Variants in NPC1 observed in about 807,000 individuals in gnomAD.
NPC1 encodes the protein NPC intracellular cholesterol transporter 1, also known as Niemann-Pick C1 protein.
A neutral mutation model predicts 140.4 loss-of-function variants in NPC1; 85 were observed. The ratio of observed to expected loss-of-function variants is 0.61; its 90% CI spans 0.51 to 0.72. NPC1 has a LOEUF of 0.72. NPC1 is among the 30% of genes least tolerant of loss of function. NPC1 has a pLI of 0.00. For missense variants in NPC1, 1,504 were observed against 1,623.8 expected (o/e 0.93, Z 1.27); for synonymous variants, 656 against 624.8 (o/e 1.05, Z -0.74).
At chr18:23,565,189 A>C (rs931795658) in intron 4 of NPC1, among the ~76,000 whole-genome samples, 21 of 152,236 alleles carry the variant, frequency 1.4e-4, no homozygotes, top group African/African-American at 5.1e-4. Context: ...CAATTTCCAC[A>C]AAGAAGTCAG....
chr18:23,513,352 C>T (rs577122549), intron 3 of NPC1, among the ~76,000 whole-genome samples: 2 of 152,310 alleles, frequency 1.3e-5, no homozygotes, highest in East Asian at 3.9e-4. Flanking sequence ...CTACAGGTTC[C>T]CCCATGCCAT....
intron 20 of NPC1, 105 bp downstream of exon 20, chr18:23,538,434 CGGA>C (rs1309696607): frequency 7.4e-7 from 1 of 1,348,676 alleles, no homozygotes; most frequent in Non-Finnish European, 1.1e-6. Context: ...CAGGGTGGGG[CGGA>C]GAAGAGACGT....
intron 22 of NPC1, among the ~76,000 whole-genome samples, chr18:23,534,786 T>C (rs1211581508): frequency 6.6e-6 from 1 of 152,198 alleles, no homozygotes; most frequent in Non-Finnish European, 1.5e-5. Flanking sequence ...GTGGCACGTT[T>C]GTGTTGACCA....
chr18:23,586,441 A>C lies in NPC1; in HGVS notation c.-98T>G, dbSNP rs2059420429. On this transcript the variant is annotated 5_prime_UTR_variant, in exon 1 of 25. Transcript: ENST00000269228. ...CCCGGGCTGTTTCAGCACCCCGCGC[A>C]GGAGGAGCGGAGGAGCAGGAGCAGG... 2.0e-6 allele frequency: 3 copies of C among 1,509,816 alleles called. No individual in the cohort carries two copies. The highest frequency in any genetic ancestry group is 2.6e-6 in the Non-Finnish European group (3 of 1,135,260). 93.5% of individuals were successfully genotyped at this position (1,509,816 alleles called of 1,614,324 possible). A position where few individuals can be genotyped will look rare whatever the true frequency, so the allele number is the denominator to read the frequency against.
At chr18:23,571,209 TAA>T (rs2059197279) in intron 3 of NPC1, among the ~76,000 whole-genome samples, 1 of 142,552 alleles carries the variant, frequency 7.0e-6, no homozygotes, top group Non-Finnish European at 1.5e-5. Context: ...AGTGCTTTCT[TAA>T]AACAAAACAA....
intron 3 of NPC1, among the ~76,000 whole-genome samples, chr18:23,512,384 G>A (rs2057885507): frequency 2.0e-5 from 3 of 151,894 alleles, no homozygotes; most frequent in Admixed American, 1.3e-4. Flanking sequence ...TTTGTATATT[G>A]TCCATTTGTA....
At position 23,531,544 on chromosome 18, in the gene NPC1, A is replaced by G. The variant is rs1018730310; in HGVS notation, c.*658T>C. On this transcript the variant is annotated 3_prime_UTR_variant, in exon 25 of 25. Coordinates refer to ENST00000269228, the MANE Select transcript of NPC1 (RefSeq NM_000271.5). ...ATTAAAGAAAAATAAGTTAAAACCC[A>G]GTAGACACACCTACGAGATGCTTTC... 6.4e-7 allele frequency: 1 copy of G among 1,564,584 alleles called. No homozygotes were observed. Among genetic ancestry groups the G allele is most frequent in the African/African-American group, 1.4e-5 (1 of 72,478 alleles).
chr18:23,573,343 C>G, intron 2 of NPC1, 109 bp downstream of exon 2: 2 of 1,452,258 alleles, frequency 1.4e-6, no homozygotes, highest in Non-Finnish European at 1.9e-6. Flanking sequence ...AAGACTTAAG[C>G]CTGTTAGTCT....
In NPC1 at chr18:23,532,145, C is replaced by CA; in HGVS notation, c.*56dup. 6 of 1,614,108 alleles carry CA rather than the reference C, an allele frequency of 3.7e-6. No homozygotes were observed. The highest frequency in any genetic ancestry group is 5.1e-6 in the Non-Finnish European group (6 of 1,180,024). On this transcript the variant is annotated 3_prime_UTR_variant, in exon 25 of 25. Transcript: ENST00000269228. Reference sequence around the variant, plus strand: ...TGGCCTTGCCGATGCAGCACCCGTCCAGTGGTAAACCGACCGACCCTTAGA... The same window carrying CA: ...TGGCCTTGCCGATGCAGCACCCGTCCAAGTGGTAAACCGACCGACCCTTAGA...
chr18:23,562,376 T>C (rs1788785), intron 4 of NPC1, among the ~76,000 whole-genome samples: 113,589 of 151,528 alleles, frequency 0.75, 43,723 homozygotes, highest in East Asian at 0.93. Flanking sequence ...CAACACATTA[T>C]ATAAGGATAG....
chr18:23,535,379 C>CAT lies in NPC1; in HGVS notation c.3477+88_3477+89dup, dbSNP rs2058612857. The CAT allele has an allele frequency of 3.2e-6, 3 of 946,924 alleles. No individual in the cohort carries two copies. In the African/African-American group the frequency reaches 4.9e-5, roughly 15 times the overall value. The allele number at this position is 946,924 out of a possible 1,614,324, so 58.7% of individuals were successfully genotyped here. On this transcript the variant is annotated intron_variant, in intron 22 of 24. Transcript: ENST00000269228. ...AAGCGCCAGACTTGGTATCTTACTC[C>CAT]ATCTTTAGGGTTTACATGGAATCTA... is the stretch of plus-strand genomic sequence containing the variant.
chr18:23,565,361 GTT>G (rs1567974122), intron 4 of NPC1, among the ~76,000 whole-genome samples: 1 of 151,970 alleles, frequency 6.6e-6, no homozygotes, highest in Admixed American at 6.6e-5. Context: ...TGTTTTTTCT[GTT>G]TTTCTTTTTT....
Position 23,531,555 on chromosome 18 carries a change from C to T in NPC1, c.*647G>A. The T allele has an allele frequency of 6.3e-7, 1 of 1,581,516 alleles. No individual in the cohort carries two copies. The highest frequency in any genetic ancestry group is 1.9e-5 in the Admixed American group (1 of 52,602). ...ATAAGTTAAAACCCAGTAGACACAC[C>T]TACGAGATGCTTTCTTTGTCCCTCA... On this transcript the variant is annotated 3_prime_UTR_variant, in exon 25 of 25. Coordinates refer to ENST00000269228, the MANE Select transcript of NPC1 (RefSeq NM_000271.5).
At chr18:23,541,967 CTTTT>C (rs887334640) in intron 14 of NPC1, among the ~76,000 whole-genome samples, 3 of 152,166 alleles carry the variant, frequency 2.0e-5, no homozygotes, top group South Asian at 4.2e-4. Context: ...GATTAAAAAA[CTTTT>C]TTTTATAAGT....
Position 23,533,349 on chromosome 18 carries a change from T to C in NPC1, c.3754+6A>G. The C allele has an allele frequency of 6.2e-7, 1 of 1,613,708 alleles. No homozygotes were observed. Among genetic ancestry groups the C allele is most frequent in the African/African-American group, 1.3e-5 (1 of 75,056 alleles). ...TGTGCCACCCTTTTAAGATGAGAAC[T>C]CTTACCTATGTAACTGAGTAAGACA... On this transcript the variant is annotated splice_donor_region_variant and intron_variant, in intron 24 of 24. Transcript: ENST00000269228.
downstream of NPC1, chr18:23,527,931 C>A: frequency 6.6e-7 from 1 of 1,514,854 alleles, no homozygotes; most frequent in Non-Finnish European, 9.1e-7. Flanking sequence ...ACAAAGGGTC[C>A]TCCTCCCCCA....
chr18:23,568,634 G>A (rs547969213), intron 4 of NPC1, among the ~76,000 whole-genome samples, 189 bp downstream of exon 4: 10 of 152,268 alleles, frequency 6.6e-5, no homozygotes, highest in African/African-American at 2.4e-4. Flanking sequence ...TAAAGCAAGC[G>A]CTTTAAGGAG....
At chr18:23,519,308 A>T, downstream of NPC1, 1 of 720,110 alleles carries the variant, frequency 1.4e-6, no homozygotes. Context: ...GCTTGAGCCC[A>T]GGAGTTCGAG....
Position 23,524,051 on chromosome 18 carries a change from T to C in NPC1, c.164-1145A>G, listed in dbSNP as rs1469498845. The C allele has an allele frequency of 1.1e-5, 16 of 1,401,420 alleles. No homozygotes were observed. The East Asian group carries it at 1.8e-4, about 16-fold the overall frequency. 86.8% of individuals were successfully genotyped at this position (1,401,420 alleles called of 1,614,324 possible). A position where few individuals can be genotyped will look rare whatever the true frequency, so the allele number is the denominator to read the frequency against. On this transcript the variant is annotated intron_variant, in intron 1 of 1. Coordinates refer to the NPC1 transcript ENST00000590723. ...CATTTCGTAATGACATTAAAAAGTATTGACTTTTGTGTCATAAGTACCAGC... is the reference window on the plus strand; with the variant it reads ...CATTTCGTAATGACATTAAAAAGTACTGACTTTTGTGTCATAAGTACCAGC...
Sources: allele counts gnomAD v4.1 joint callset (sites outside exome capture counted in the v4.1 genomes callset), GRCh38; gene constraint gnomAD v4.1.1; transcripts MANE v1.5; gene names NCBI Gene and HGNC (gene_info 2026-07-23, HGNC 2026-07-21).